The following RAPGEF4 variants were observed in gnomAD, a reference collection of about 807,000 sequenced individuals.
RAPGEF4 encodes the protein Rap guanine nucleotide exchange factor 4.
Under a neutral mutation model 147.9 loss-of-function variants are expected in RAPGEF4, and 66 were observed. The observed-to-expected ratio is 0.45, with a 90% CI of 0.37 to 0.55. RAPGEF4 has a LOEUF of 0.55. Ranked by LOEUF, RAPGEF4 falls within the 20% of genes least tolerant of loss-of-function variation. The pLI is 0.00. For missense variants in RAPGEF4, 1,071 were observed against 1,257.3 expected, an observed-to-expected ratio of 0.85 and a Z score of 2.24; for synonymous variants, 419 against 442.7, an observed-to-expected ratio of 0.95 and a Z score of 0.67.
At chr2:172,907,914 G>T (rs1699776422) in intron 4 of RAPGEF4, among the ~76,000 whole-genome samples, 1 of 152,164 alleles carries the variant, frequency 6.6e-6, no homozygotes, top group Admixed American at 6.5e-5. Context: ...CCTCACAATG[G>T]TCCTGAAAGA....
intron 10 of RAPGEF4, 88 bp downstream of exon 10, chr2:172,967,532 C>T (rs1208789887): frequency 1.6e-5 from 22 of 1,382,136 alleles, no homozygotes; most frequent in Non-Finnish European, 1.9e-5. Flanking sequence ...AGGCTGCTCT[C>T]AAAAGCCCTG....
At chr2:172,788,151 G>A (rs769001453) in intron 1 of RAPGEF4, among the ~76,000 whole-genome samples, 6 of 152,076 alleles carry the variant, frequency 3.9e-5, no homozygotes, top group Admixed American at 3.3e-4. Context: ...CTGCCCTTAC[G>A]GTCTAATCAC....
At chr2:172,822,996 T>G (rs1425928844) in intron 4 of RAPGEF4, among the ~76,000 whole-genome samples, 1 of 152,186 alleles carries the variant, frequency 6.6e-6, no homozygotes, top group Non-Finnish European at 1.5e-5. Flanking sequence ...TTTCTGTGGT[T>G]TACAATCTAG....
At chr2:172,743,736 C>T (rs998448117) in intron 1 of RAPGEF4, among the ~76,000 whole-genome samples, 1 of 152,082 alleles carries the variant, frequency 6.6e-6, no homozygotes. Flanking sequence ...TTGCTTTACC[C>T]GTGTATTTGA....
At chr2:173,030,462 G>T (rs1451888182) in intron 26 of RAPGEF4, among the ~76,000 whole-genome samples, 1 of 152,160 alleles carries the variant, frequency 6.6e-6, no homozygotes, top group Non-Finnish European at 1.5e-5. Context: ...ATGGAGAGTG[G>T]GGGAGATGAG....
chr2:173,038,962 C>T (rs1461357787), intron 29 of RAPGEF4, among the ~76,000 whole-genome samples: 1 of 152,110 alleles, frequency 6.6e-6, no homozygotes, highest in Admixed American at 6.5e-5. Flanking sequence ...CATTCCTCTC[C>T]CCATTTCTGC....
At chr2:172,847,436 C>T (rs1170962175) in intron 4 of RAPGEF4, among the ~76,000 whole-genome samples, 1 of 152,208 alleles carries the variant, frequency 6.6e-6, no homozygotes, top group Non-Finnish European at 1.5e-5. Flanking sequence ...TCCCGTTCCA[C>T]CCTGCCACCA....
intron 4 of RAPGEF4, among the ~76,000 whole-genome samples, chr2:172,903,538 C>G (rs1048127990): frequency 1.7e-5 from 2 of 120,410 alleles, no homozygotes; most frequent in Non-Finnish European, 3.5e-5. Flanking sequence ...AACTCCATCT[C>G]AAAAAAAAAA....
chr2:172,980,895 G>A (rs1691609646), intron 10 of RAPGEF4, among the ~76,000 whole-genome samples: 1 of 152,136 alleles, frequency 6.6e-6, no homozygotes, highest in Non-Finnish European at 1.5e-5. Flanking sequence ...TGATCCTCCT[G>A]CCTCGGTCCC....
At chr2:172,865,532 CTT>C (rs1360787785) in intron 4 of RAPGEF4, among the ~76,000 whole-genome samples, 2 of 152,184 alleles carry the variant, frequency 1.3e-5, no homozygotes, top group Non-Finnish European at 2.9e-5. Context: ...TAAAAATCAT[CTT>C]TACATGTCTT....
chr2:172,801,569 C>G (rs1404361536), intron 3 of RAPGEF4, among the ~76,000 whole-genome samples: 1 of 152,104 alleles, frequency 6.6e-6, no homozygotes, highest in Non-Finnish European at 1.5e-5. Context: ...CATTATCCCA[C>G]CAGCACTCAC....
At chr2:172,736,348 G>GT in intron 1 of RAPGEF4, 1 of 248,794 alleles carries the variant, frequency 4.0e-6, no homozygotes, top group Non-Finnish European at 7.6e-6. Flanking sequence ...CCGCTCCTGG[G>GT]TGGGGGTTTA....
At chr2:172,799,906 A>G (rs1686799903) in intron 3 of RAPGEF4, among the ~76,000 whole-genome samples, 1 of 152,148 alleles carries the variant, frequency 6.6e-6, no homozygotes, top group African/African-American at 2.4e-5. Flanking sequence ...TTAAAATAGT[A>G]TCTGGCCAGG....
At chr2:172,931,435 A>G (rs1685966676) in intron 6 of RAPGEF4, among the ~76,000 whole-genome samples, 1 of 152,128 alleles carries the variant, frequency 6.6e-6, no homozygotes, top group African/African-American at 2.4e-5. Flanking sequence ...TCCTGTTGGC[A>G]CTTGGTTCAA....
At chr2:172,984,913 A>T (rs948537799) in intron 11 of RAPGEF4, among the ~76,000 whole-genome samples, 2 of 151,980 alleles carry the variant, frequency 1.3e-5, no homozygotes, top group African/African-American at 2.4e-5. Context: ...GTAATTTGGA[A>T]TTTTTTTTTA....
chr2:172,960,711 AG>A, intron 6 of RAPGEF4, 48 bp from the exon 7 acceptor site: 1 of 1,387,414 alleles, frequency 7.2e-7, no homozygotes, highest in Non-Finnish European at 1.0e-6. Context: ...AATTTTCTTC[AG>A]TGAACTTTTT....
intron 4 of RAPGEF4, among the ~76,000 whole-genome samples, chr2:172,902,996 A>G (rs915161965): frequency 6.6e-6 from 1 of 152,176 alleles, no homozygotes; most frequent in African/African-American, 2.4e-5. Flanking sequence ...AGAAAAAATC[A>G]TAATGGAGGG....
chr2:172,907,816 C>CATTATT (rs1166872860), intron 4 of RAPGEF4, among the ~76,000 whole-genome samples: 1 of 151,926 alleles, frequency 6.6e-6, no homozygotes, highest in Admixed American at 6.6e-5. Context: ...TTACAACTAC[C>CATTATT]ATTATTATTA....
At chr2:172,778,278 C>T (rs1684363591) in intron 1 of RAPGEF4, among the ~76,000 whole-genome samples, 1 of 152,124 alleles carries the variant, frequency 6.6e-6, no homozygotes, top group Admixed American at 6.6e-5. Flanking sequence ...CCCCAGAATG[C>T]CTCTGTTATT....
Sources: allele counts gnomAD v4.1 joint callset (sites outside exome capture counted in the v4.1 genomes callset), GRCh38; gene constraint gnomAD v4.1.1; transcripts MANE v1.5; gene names NCBI Gene and HGNC (gene_info 2026-07-23, HGNC 2026-07-21).